Variants in SERPINA4 observed in about 807,000 individuals in gnomAD.
SERPINA4 encodes the protein kallistatin.
Under a neutral mutation model 25.4 loss-of-function variants are expected in SERPINA4, and 24 were observed. That is an observed-to-expected ratio of 0.95 (90% CI 0.69 to 1.33). The LOEUF (loss-of-function observed/expected upper bound fraction) is 1.33, where lower values mean the gene tolerates loss of function less well. Among genes scored for constraint, SERPINA4 ranks in the 40% most tolerant of loss-of-function variants. The pLI is 0.00. For missense variants in SERPINA4, 553 were observed against 535.8 expected (o/e 1.03, Z -0.32); for synonymous variants, 242 against 223.6 (o/e 1.08, Z -0.73).
At chr14:94,563,353 A>G in intron 1 of SERPINA4, 113 bp from the exon 2 acceptor site, 19 of 1,076,172 alleles carry the variant, frequency 1.8e-5, no homozygotes, top group Non-Finnish European at 2.5e-5. Context: ...GCCCATCTGC[A>G]GGAGTTGAGG....
At position 94,563,658 on chromosome 14, in the gene SERPINA4, C is replaced by T. The variant is rs1902099173; in HGVS notation, c.176C>T (p.Ala59Val). 2 of 1,613,780 alleles carry T rather than the reference C, an allele frequency of 1.2e-6. No homozygotes were observed. Among genetic ancestry groups the T allele is most frequent in the Non-Finnish European group, 1.7e-6 (2 of 1,180,050 alleles). Residue 59 changes from alanine (A) to valine (V), a missense_variant, in exon 2 of 5, where the codon GCC becomes GTC. Physicochemically the swap from Ala to Val is moderately conservative, Grantham distance 64. Transcript: ENST00000557004. ...ATAGCCCCTGCCAATGCTGACTTTG[C>T]CTTCCGCTTCTACTACCTGATCGCT... ...LKIAPANADFAFRFYYLIASE... is the reference protein window; with the variant it reads ...LKIAPANADFVFRFYYLIASE...
At chr14:94,567,557 G>C (rs1450917417) in intron 3 of SERPINA4, among the ~76,000 whole-genome samples, 1 of 152,158 alleles carries the variant, frequency 6.6e-6, no homozygotes, top group African/African-American at 2.4e-5. Flanking sequence ...GTGCAATGAA[G>C]AGGTAGCCCT....
At position 94,567,124 on chromosome 14, in the gene SERPINA4, G is replaced by A. The variant is rs888457840; in HGVS notation, c.804G>A (p.Met268Ile). The A allele has an allele frequency of 6.2e-7, 1 of 1,614,010 alleles. No individual in the cohort carries two copies. The highest frequency in any genetic ancestry group is 1.3e-5 in the African/African-American group (1 of 74,898). Residue 268 changes from methionine to isoleucine, a missense_variant, in exon 3 of 5, where the codon ATG becomes ATA. Transcript: ENST00000557004. Reference sequence around the variant, plus strand: ...ACTTGCCCTGCTCGGTGCTACGGATGGATTACAAAGGAGACGCAACCGTGT... The same window carrying A: ...ACTTGCCCTGCTCGGTGCTACGGATAGATTACAAAGGAGACGCAACCGTGT... ...DRYLPCSVLR[M>I]DYKGDATVFF... is the part of the protein sequence containing the mutation.
rs771729669 is a variant in SERPINA4 at position 94,563,869 on chromosome 14, C to G, written c.387C>G (p.Asn129Lys). 1.2e-6 allele frequency: 2 copies of G among 1,614,190 alleles called. No homozygotes were observed. Among genetic ancestry groups the G allele is most frequent in the East Asian group, 4.5e-5 (2 of 44,874 alleles). ...TCCAGCACCTCCTGCACACTCTCAA[C>G]CTCCCCGGCCATGGGCTGGAAACAC... ...RGFQHLLHTL[N>K]LPGHGLETRV... Residue 129 changes from asparagine (N) to lysine (K), a missense_variant, in exon 2 of 5, where the codon AAC becomes AAG. Transcript: ENST00000557004.
chr14:94,566,540 G>A (rs1252174785), intron 2 of SERPINA4, among the ~76,000 whole-genome samples: 8 of 151,594 alleles, frequency 5.3e-5, no homozygotes, highest in Non-Finnish European at 8.8e-5. Flanking sequence ...AAATCTACTC[G>A]CCTCCCTGCA....
At position 94,563,600 on chromosome 14, in the gene SERPINA4, C is replaced by A. The variant is rs1902096126; in HGVS notation, c.118C>A (p.Leu40Met). The change falls in exon 2 of 5, where the codon CTG becomes ATG. Residue 40 changes from leucine (L) to methionine (M), a missense_variant. By Grantham distance (15) the Leu-to-Met change is conservative. Coordinates refer to ENST00000557004, the MANE Select transcript of SERPINA4 (RefSeq NM_006215.4). ...SCSNSSHQQI[L>M]ETGEGSPSLK... ...CAGTAACAGCTCCCACCAGCAGATT[C>A]TGGAGACAGGTGAGGGCTCCCCCAG... The A allele has an allele frequency of 1.2e-6, 2 of 1,613,924 alleles. No homozygotes were observed. The highest frequency in any genetic ancestry group is 3.3e-5 in the Admixed American group (2 of 60,016).
rs765511128 is a variant in SERPINA4 at position 94,568,206 on chromosome 14, C to T, written c.1001C>T (p.Pro334Leu). The T allele has an allele frequency of 6.2e-7, 1 of 1,614,192 alleles. No individual in the cohort carries two copies. The highest frequency in any genetic ancestry group is 1.1e-5 in the South Asian group (1 of 91,082). ...TCCTATGTATTAGATCAGATTTTGC[C>T]CAGGCTGGGCTTCACGGATCTGTTC... The part of the protein sequence containing the change: ...SGSYVLDQIL[P>L]RLGFTDLFSK... The change falls in exon 4 of 5, where the codon CCC (proline) becomes CTC (leucine). Residue 334 changes from proline to leucine, a missense_variant. By Grantham distance (98) the Pro-to-Leu change is moderately conservative. Transcript: ENST00000557004.
rs57174093 is a variant in SERPINA4, at chr14:94,566,839, T to C, written c.650-131T>C. The C allele has an allele frequency of 8.1e-4, 862 of 1,066,446 alleles. 1 individual carries two copies. The African/African-American group carries it at 0.012, about 15-fold the overall frequency. The allele number at this position is 1,066,446 out of a possible 1,614,324, so 66.1% of individuals were successfully genotyped here. ...TTTTGAATGGTCAAAATGGGACATCTTGATGGGCTCATAGGGCAGGATCTG... is the reference window on the plus strand; with the variant it reads ...TTTTGAATGGTCAAAATGGGACATCCTGATGGGCTCATAGGGCAGGATCTG... On this transcript the variant is annotated intron_variant, in intron 2 of 4. Transcript: ENST00000557004.
Position 94,564,002 on chromosome 14 carries a change from G to A in SERPINA4, c.520G>A (p.Asp174Asn), listed in dbSNP as rs550133117. 3.7e-6 allele frequency: 6 copies of A among 1,613,906 alleles called. No individual in the cohort carries two copies. Among genetic ancestry groups the A allele is most frequent in the Middle Eastern group, 1.6e-4 (1 of 6,062 alleles). ...TAAACTCTTCCACACCAACTTCTAC[G>A]ACACTGTGGGCACAATCCAGCTTAT... The part of the protein sequence containing the change: ...EAKLFHTNFY[D>N]TVGTIQLIND... The change falls in exon 2 of 5, where the codon GAC (aspartate) becomes AAC (asparagine). Residue 174 changes from aspartate (D) to asparagine (N), a missense_variant. Transcript: ENST00000557004.
Position 94,563,495 on chromosome 14 carries a change from G to C in SERPINA4, c.13G>C (p.Asp5His). The stretch of plus-strand genomic sequence containing the variant: ...GAGAGTGCAGAGGATGCATCTTATC[G>C]ACTACCTGCTCCTCCTGCTGGTTGG... MHLIDYLLLLLVGLL... is the reference protein window; with the variant it reads MHLIHYLLLLLVGLL... Residue 5 changes from aspartate (D) to histidine (H), a missense_variant, in exon 2 of 5, where the codon GAC becomes CAC. Asp to His is a moderately conservative substitution (Grantham distance 81). Coordinates refer to ENST00000557004, the MANE Select transcript of SERPINA4 (RefSeq NM_006215.4). 1 of 1,612,458 alleles carries C rather than the reference G, an allele frequency of 6.2e-7. No homozygotes were observed. Among genetic ancestry groups the C allele is most frequent in the Non-Finnish European group, 8.5e-7 (1 of 1,179,172 alleles).
intron 2 of SERPINA4, among the ~76,000 whole-genome samples, chr14:94,566,378 A>G (rs1595065464): frequency 6.6e-6 from 1 of 152,290 alleles, no homozygotes; most frequent in Non-Finnish European, 1.5e-5. Context: ...CAACTATAAT[A>G]ACAGATTCGT....
chr14:94,561,805 T>C, intron 1 of SERPINA4: 1 of 1,289,808 alleles, frequency 7.8e-7, no homozygotes, highest in Non-Finnish European at 1.0e-6. Flanking sequence ...TGGCTGCCAA[T>C]CCAGGTGATC....
At chr14:94,564,643 A>G (rs1011885179) in intron 2 of SERPINA4, among the ~76,000 whole-genome samples, 1 of 152,244 alleles carries the variant, frequency 6.6e-6, no homozygotes, top group African/African-American at 2.4e-5. Context: ...AGGCCCATTC[A>G]TTTATGTATT....
At position 94,564,127 on chromosome 14, in the gene SERPINA4, C is replaced by A. The variant is rs1566829341; in HGVS notation, c.645C>A (p.Phe215Leu). 6.3e-7 allele frequency: 1 copy of A among 1,599,994 alleles called. No individual in the cohort carries two copies. The highest frequency in any genetic ancestry group is 8.5e-7 in the Non-Finnish European group (1 of 1,179,818). ...TGGTGCTGGTGAATTACATTTACTT[C>A]AAAGGTGAGAGTCAGATCATTGGTA... ...VLMVLVNYIY[F>L]KALWEKPFIS... Residue 215 changes from phenylalanine to leucine, a missense_variant, in exon 2 of 5, where the codon TTC becomes TTA. Transcript: ENST00000557004.
intron 2 of SERPINA4, among the ~76,000 whole-genome samples, chr14:94,566,604 C>T (rs1902219865): frequency 6.6e-6 from 1 of 152,192 alleles, no homozygotes. Context: ...AGTGACCCAC[C>T]TCTTATGGAA....
intron 4 of SERPINA4, among the ~76,000 whole-genome samples, 193 bp downstream of exon 4, chr14:94,568,481 A>T (rs972473048): frequency 1.3e-5 from 2 of 152,144 alleles, no homozygotes; most frequent in Non-Finnish European, 2.9e-5. Context: ...ATAGTGTTGA[A>T]CCAGCCCCTG....
chr14:94,563,694 C>CG lies in SERPINA4; in HGVS notation c.216dup (p.Lys73GlufsTer31). 2 of 1,613,874 alleles carry CG rather than the reference C, an allele frequency of 1.2e-6. No homozygotes were observed. Among genetic ancestry groups the CG allele is most frequent in the Non-Finnish European group, 8.5e-7 (1 of 1,180,038 alleles). ...TACTACCTGATCGCTTCGGAGACCC[C>CG]GGGGAAGAACATCTTTTTCTCCCCG... On this transcript the variant is annotated frameshift_variant, in exon 2 of 5. Coordinates refer to ENST00000557004, the MANE Select transcript of SERPINA4 (RefSeq NM_006215.4). LOFTEE classifies it high-confidence loss of function.
At chr14:94,568,039 C>A in intron 3 of SERPINA4, 90 bp from the exon 4 acceptor site, 2 of 1,328,758 alleles carry the variant, frequency 1.5e-6, no homozygotes. Context: ...GGAATAGAGC[C>A]AGCTAGAGAG....
Position 94,567,895 on chromosome 14 carries a change from C to A in SERPINA4, c.924-234C>A, listed in dbSNP as rs184855262. On this transcript the variant is annotated intron_variant, in intron 3 of 4. Coordinates refer to ENST00000557004, the MANE Select transcript of SERPINA4 (RefSeq NM_006215.4). ...GCACCTGAACACCCACAGGAAGCAA[C>A]CTCTGAAGAGGGGTTCCCAAGGACG... is the stretch of plus-strand genomic sequence containing the variant. 3.9e-4 allele frequency among the ~76,000 whole-genome samples: 59 copies of A among 152,346 alleles called. 2 individuals are homozygous for A. The East Asian group carries it at 0.011, about 29-fold the overall frequency.
Sources: gnomAD v4.1 joint callset for allele counts (sites outside exome capture counted in the v4.1 genomes callset) on GRCh38, gnomAD v4.1.1 for gene constraint, MANE v1.5 for transcripts, NCBI Gene and HGNC (gene_info 2026-07-23, HGNC 2026-07-21) for gene names.